The following DLGAP4 variants were observed in gnomAD, a reference collection of about 807,000 sequenced individuals.
The protein encoded by DLGAP4 is disks large-associated protein 4.
DLGAP4 carries 18 observed loss-of-function variants against 86.9 expected under a neutral mutation model. The observed-to-expected ratio is 0.21, with a 90% confidence interval of 0.14 to 0.31. DLGAP4 has a LOEUF of 0.31. Among genes scored for constraint, DLGAP4 ranks in the 10% least tolerant of loss-of-function variants. The probability of loss-of-function intolerance (pLI) is 1.00; values close to 1 mark genes in which losing one functional copy is unlikely to be tolerated. For synonymous variants in DLGAP4, 548 were observed against 574.3 expected, an observed-to-expected ratio of 0.95 and a Z score of 0.65; for missense variants, 1,085 against 1,362.6, an observed-to-expected ratio of 0.80 and a Z score of 3.21.
At chr20:36,312,364 C>T (rs1048866536) in intron 1 of DLGAP4, among the ~76,000 whole-genome samples, 53 of 150,324 alleles carry the variant, frequency 3.5e-4, no homozygotes, top group African/African-American at 1.1e-3. Flanking sequence ...CACATGCACG[C>T]GCGAACACAC....
chr20:36,525,583 C>A (rs1411074055), intron 11 of DLGAP4: 2 of 523,846 alleles, frequency 3.8e-6, no homozygotes, highest in Non-Finnish European at 6.9e-6. Flanking sequence ...AACGAGAATA[C>A]CTGTCTGCTA....
intron 7 of DLGAP4, among the ~76,000 whole-genome samples, chr20:36,456,453 C>T (rs1412348848): frequency 1.3e-5 from 2 of 152,190 alleles, no homozygotes; most frequent in African/African-American, 4.8e-5. Flanking sequence ...CAGGTTGGTG[C>T]AGTGGTCTAG....
intron 1 of DLGAP4, among the ~76,000 whole-genome samples, chr20:36,357,831 A>G (rs1325016467): frequency 2.0e-5 from 3 of 152,266 alleles, no homozygotes; most frequent in African/African-American, 7.2e-5. Context: ...GAAGTCAGCA[A>G]GTGGGACGGG....
intron 1 of DLGAP4, among the ~76,000 whole-genome samples, chr20:36,330,110 C>T (rs2065252618): frequency 6.6e-6 from 1 of 152,010 alleles, no homozygotes; most frequent in South Asian, 2.1e-4. Flanking sequence ...TTCCTAATGC[C>T]GTTCTGTTTT....
At chr20:36,495,372 A>G (rs987400574) in intron 7 of DLGAP4, among the ~76,000 whole-genome samples, 4 of 152,126 alleles carry the variant, frequency 2.6e-5, no homozygotes, top group Non-Finnish European at 5.9e-5. Context: ...CCTCTGGGCT[A>G]TCACCATCAC....
chr20:36,473,090 T>G (rs2034745346), intron 7 of DLGAP4: 1 of 152,272 alleles, frequency 6.6e-6, no homozygotes. Context: ...AGAGCTGAGC[T>G]GGAGCTGGGC....
chr20:36,479,890 C>G (rs2147701886), intron 7 of DLGAP4, among the ~76,000 whole-genome samples: 1 of 152,272 alleles, frequency 6.6e-6, no homozygotes, highest in South Asian at 2.1e-4. Context: ...TCCTCAGCTT[C>G]TGGCATGCAG....
rs1167557333 is a variant in DLGAP4, at chr20:36,496,690, C to T, written c.1649-15C>T. On this transcript the variant is annotated splice_polypyrimidine_tract_variant and intron_variant, in intron 7 of 12. Transcript: ENST00000339266. ...CATCTCACCTCTCCCCTGCCCTTCT[C>T]TCATCCATCTGCAGGTTCATCATGC... 2 of 1,590,904 alleles carry T rather than the reference C, an allele frequency of 1.3e-6. No homozygotes were observed. Among genetic ancestry groups the T allele is most frequent in the Admixed American group, 3.4e-5 (2 of 59,282 alleles).
At chr20:36,317,635 A>C (rs2065122613) in intron 1 of DLGAP4, among the ~76,000 whole-genome samples, 2 of 150,956 alleles carry the variant, frequency 1.3e-5, no homozygotes, top group Admixed American at 6.6e-5. Context: ...AAAAAAAAAA[A>C]ATTTAGAGAT....
At chr20:36,513,262 A>T (rs2036825742) in intron 10 of DLGAP4, among the ~76,000 whole-genome samples, 2 of 151,848 alleles carry the variant, frequency 1.3e-5, no homozygotes, top group Admixed American at 6.6e-5. Context: ...TAAAGAATTA[A>T]TCTGGGCCGG....
intron 1 of DLGAP4, among the ~76,000 whole-genome samples, chr20:36,364,889 G>C (rs2030630878): frequency 6.6e-6 from 1 of 152,134 alleles, no homozygotes; most frequent in African/African-American, 2.4e-5. Context: ...GAGGCCAGGA[G>C]TTCGAGACTA....
At chr20:36,319,793 C>G (rs2065147408) in intron 1 of DLGAP4, among the ~76,000 whole-genome samples, 1 of 152,080 alleles carries the variant, frequency 6.6e-6, no homozygotes, top group Non-Finnish European at 1.5e-5. Flanking sequence ...CCCAGGGCAC[C>G]TAGGAGGCCT....
chr20:36,375,549 A>G lies in DLGAP4; in HGVS notation c.-73+8274A>G, dbSNP rs147587330. 3.9e-3 allele frequency among the ~76,000 whole-genome samples: 590 copies of G among 152,274 alleles called. 5 individuals are homozygous for G. Among genetic ancestry groups the G allele is most frequent in the African/African-American group, 0.014 (562 of 41,556 alleles). Reference sequence around the variant, plus strand: ...TGCCCCTGCCCAGGGGAAATTCTCAATTCAGCCCAGGAGAGAAGCATCTCC... The same window carrying G: ...TGCCCCTGCCCAGGGGAAATTCTCAGTTCAGCCCAGGAGAGAAGCATCTCC... On this transcript the variant is annotated intron_variant, in intron 2 of 12. Coordinates refer to ENST00000339266, the MANE Select transcript of DLGAP4 (RefSeq NM_001365621.2).
chr20:36,385,051 G>A lies in DLGAP4; in HGVS notation c.-73+17776G>A, dbSNP rs143432158. The stretch of plus-strand genomic sequence containing the variant: ...GTGTCATCTGGTCCAGCCCAGAGAA[G>A]GGGTGTGACCTGCTGGGGGCATGCT... On this transcript the variant is annotated intron_variant, in intron 2 of 12. Transcript: ENST00000339266. Among the ~76,000 whole-genome samples, 351 of 152,316 alleles carry A rather than the reference G, an allele frequency of 2.3e-3. 1 individual carries two copies. The highest frequency in any genetic ancestry group is 8.1e-3 in the African/African-American group (336 of 41,566).
At chr20:36,321,486 G>C (rs1417115424) in intron 1 of DLGAP4, among the ~76,000 whole-genome samples, 3 of 152,372 alleles carry the variant, frequency 2.0e-5, no homozygotes, top group Admixed American at 6.5e-5. Flanking sequence ...CACTCGCCAG[G>C]CTGGCCCCGG....
rs556215806 is a variant in DLGAP4 at position 36,421,177 on chromosome 20, C to T, written c.-72-10469C>T. On this transcript the variant is annotated intron_variant, in intron 2 of 12. Coordinates refer to ENST00000339266, the MANE Select transcript of DLGAP4 (RefSeq NM_001365621.2). ...AATACTAATAAAGAAGACTAGGGGCCGGGCGCGGTGGCTCATGCCTATAAT... is the reference window on the plus strand; with the variant it reads ...AATACTAATAAAGAAGACTAGGGGCTGGGCGCGGTGGCTCATGCCTATAAT... Among the ~76,000 whole-genome samples, 27 of 150,888 alleles carry T rather than the reference C, an allele frequency of 1.8e-4. 1 individual carries two copies. In the East Asian group the frequency reaches 4.2e-3, roughly 23 times the overall value.
In DLGAP4 at chr20:36,345,210, G is replaced by T. The variant is rs2029897937; in HGVS notation, c.-303-21835G>T. On this transcript the variant is annotated intron_variant, in intron 1 of 12. Coordinates refer to ENST00000339266, the MANE Select transcript of DLGAP4 (RefSeq NM_001365621.2). ...CCACTGTTCCATTATATAGACGAGA[G>T]AACTGAGGCAAAGGGACCATCTTCA... is the stretch of plus-strand genomic sequence containing the variant. Among the ~76,000 whole-genome samples the T allele has an allele frequency of 2.0e-5, 3 of 152,132 alleles. No individual in the cohort carries two copies. The South Asian group carries it at 6.2e-4, about 32-fold the overall frequency.
At chr20:36,313,555 G>GT (rs1315371162) in intron 1 of DLGAP4, among the ~76,000 whole-genome samples, 4 of 151,246 alleles carry the variant, frequency 2.6e-5, no homozygotes, top group Non-Finnish European at 4.4e-5. Context: ...GGGTGGGGGG[G>GT]GGTCACCTGC....
chr20:36,387,794 G>A (rs1389141529), intron 2 of DLGAP4, among the ~76,000 whole-genome samples: 2 of 152,158 alleles, frequency 1.3e-5, no homozygotes, highest in Admixed American at 1.3e-4. Flanking sequence ...TCTGTTTTAT[G>A]TTTAAGCGCC....
Sources: allele counts gnomAD v4.1 joint callset (sites outside exome capture counted in the v4.1 genomes callset), GRCh38; gene constraint gnomAD v4.1.1; transcripts MANE v1.5; gene names NCBI Gene and HGNC (gene_info 2026-07-23, HGNC 2026-07-21).